SRRM4: variants seen among roughly 807,000 people sequenced by gnomAD.
SRRM4 encodes the protein serine/arginine repetitive matrix protein 4.
A neutral mutation model predicts 68.9 loss-of-function variants in SRRM4; 33 were observed. The observed-to-expected ratio is 0.48, with a 90% CI of 0.36 to 0.64. The LOEUF is 0.64. Among genes scored for constraint, SRRM4 ranks in the 30% least tolerant of loss-of-function variants. The pLI is 0.00. For missense variants in SRRM4, 817 were observed against 827.1 expected (o/e 0.99, Z 0.15); for synonymous variants, 318 against 318.8 (o/e 1.00, Z 0.03).
Position 119,004,257 on chromosome 12 carries a change from C to T in SRRM4, c.131+22244C>T, listed in dbSNP as rs1193919505. Among the ~76,000 whole-genome samples, 53 of 152,000 alleles carry T rather than the reference C, an allele frequency of 3.5e-4. 1 individual carries two copies. Among genetic ancestry groups the T allele is most frequent in the Admixed American group, 3.5e-3 (53 of 15,268 alleles). ...TTCATGGTTTATATATTCCCCAGAT[C>T]CAAGGTTTGTCATCTCCTGATCCCT... On this transcript the variant is annotated intron_variant, in intron 1 of 12. Transcript: ENST00000267260.
chr12:119,130,912 TGTATG>T lies in SRRM4; in HGVS notation c.771+82_771+86del, dbSNP rs1424427456. ...ATGTGGAGGCACAAGTTCAGGGCAG[TGTATG>T]GTACACTTTAATTCAATTTCTGACA... On this transcript the variant is annotated intron_variant, in intron 8 of 12. Transcript: ENST00000267260. The T allele has an allele frequency of 4.2e-6, 6 of 1,423,084 alleles. No homozygotes were observed. In the African/African-American group the frequency reaches 8.6e-5, roughly 20 times the overall value. 88.2% of individuals were successfully genotyped at this position (1,423,084 alleles called of 1,614,324 possible).
chr12:119,010,044 A>G (rs776484388), intron 1 of SRRM4, among the ~76,000 whole-genome samples: 1 of 152,194 alleles, frequency 6.6e-6, no homozygotes, highest in Non-Finnish European at 1.5e-5. Flanking sequence ...GGCACATAGT[A>G]GGCTCTCAGA....
At chr12:119,119,545 G>A (rs1052287461) in intron 4 of SRRM4, among the ~76,000 whole-genome samples, 1 of 151,894 alleles carries the variant, frequency 6.6e-6, no homozygotes, top group African/African-American at 2.4e-5. Context: ...AGAATGAGAA[G>A]AAGCTACATG....
chr12:119,122,292 CAGGAAGGAAGGAAGGA>C (rs56030105), intron 6 of SRRM4, among the ~76,000 whole-genome samples, 172 bp downstream of exon 6: 1,583 of 69,678 alleles, frequency 0.023, 31 homozygotes, highest in South Asian at 0.056. Flanking sequence ...GGCAGGAAGG[CAGGAAGGAAGGAAGGA>C]AGGAAGGAAG....
chr12:119,015,439 C>G (rs1250419159), intron 1 of SRRM4, among the ~76,000 whole-genome samples: 1 of 152,140 alleles, frequency 6.6e-6, no homozygotes, highest in Non-Finnish European at 1.5e-5. Flanking sequence ...CCATATCACT[C>G]CTCTGCTCAA....
intron 2 of SRRM4, among the ~76,000 whole-genome samples, chr12:119,103,668 G>A (rs1482729498): frequency 6.6e-6 from 1 of 152,192 alleles, no homozygotes; most frequent in East Asian, 1.9e-4. Context: ...TAGGCAGAGG[G>A]AGATAAAGAG....
At chr12:119,014,105 T>G (rs528086466) in intron 1 of SRRM4, among the ~76,000 whole-genome samples, 2 of 152,346 alleles carry the variant, frequency 1.3e-5, no homozygotes, top group South Asian at 4.1e-4. Context: ...CTTTCTTTAA[T>G]GAGTGAGGCC....
intron 1 of SRRM4, among the ~76,000 whole-genome samples, chr12:119,053,373 A>T (rs901140372): frequency 6.6e-6 from 1 of 152,230 alleles, no homozygotes; most frequent in East Asian, 1.9e-4. Flanking sequence ...TAGTATAGGA[A>T]ACACATGCAT....
chr12:119,107,197 C>T (rs2136044337), intron 2 of SRRM4, among the ~76,000 whole-genome samples: 1 of 152,266 alleles, frequency 6.6e-6, no homozygotes, highest in Admixed American at 6.5e-5. Flanking sequence ...TGATGTGCTG[C>T]TGGATTTAAA....
chr12:119,091,287 G>A (rs1489933684), intron 1 of SRRM4, among the ~76,000 whole-genome samples: 1 of 152,174 alleles, frequency 6.6e-6, no homozygotes, highest in African/African-American at 2.4e-5. Flanking sequence ...GCAGGAATTG[G>A]GTTTCTGTAG....
chr12:119,104,433 T>C (rs1375120751), intron 2 of SRRM4, among the ~76,000 whole-genome samples: 1 of 146,576 alleles, frequency 6.8e-6, no homozygotes, highest in African/African-American at 2.4e-5. Flanking sequence ...ATAATAATAA[T>C]AACAGTGATA....
intron 1 of SRRM4, among the ~76,000 whole-genome samples, chr12:119,006,425 G>A (rs1243225791): frequency 6.6e-6 from 1 of 152,132 alleles, no homozygotes; most frequent in Non-Finnish European, 1.5e-5. Flanking sequence ...AAACCTTTGA[G>A]GTAGACCAGG....
At chr12:119,141,965 T>A (rs770587745) in intron 8 of SRRM4, among the ~76,000 whole-genome samples, 1 of 152,130 alleles carries the variant, frequency 6.6e-6, no homozygotes, top group Non-Finnish European at 1.5e-5. Flanking sequence ...ACCTGGAGGA[T>A]GAATAAATTT....
chr12:119,106,368 G>A (rs1250528775), intron 2 of SRRM4, among the ~76,000 whole-genome samples: 3 of 151,822 alleles, frequency 2.0e-5, no homozygotes, highest in Non-Finnish European at 2.9e-5. Context: ...AGCTTGATGG[G>A]GATGGCATTG....
At chr12:119,133,866 A>G (rs1954312089) in intron 8 of SRRM4, among the ~76,000 whole-genome samples, 1 of 152,194 alleles carries the variant, frequency 6.6e-6, no homozygotes, top group South Asian at 2.1e-4. Context: ...AAAACAGTTA[A>G]AGGCAATGCA....
chr12:118,996,351 A>T (rs1953349515), intron 1 of SRRM4, among the ~76,000 whole-genome samples: 1 of 152,222 alleles, frequency 6.6e-6, no homozygotes, highest in African/African-American at 2.4e-5. Context: ...GAAACAAAGG[A>T]TCACAACAAA....
In SRRM4 at chr12:119,151,224, A is replaced by C. The variant is rs764791981; in HGVS notation, c.1280+4A>C. ...GATCCACCTCTTCTGAAAAAAGGTG[A>C]GTGTGGTTTTGACCTTTGCTCTGCA... is the stretch of plus-strand genomic sequence containing the variant. On this transcript the variant is annotated splice_donor_region_variant and intron_variant, in intron 10 of 12. Coordinates refer to ENST00000267260, the MANE Select transcript of SRRM4 (RefSeq NM_194286.4). 1.2e-6 allele frequency: 2 copies of C among 1,613,246 alleles called. No homozygotes were observed. The highest frequency in any genetic ancestry group is 3.3e-5 in the Admixed American group (2 of 60,030).
chr12:119,043,808 A>ACACACACACACACACACACACACACAC (rs60118462), intron 1 of SRRM4, among the ~76,000 whole-genome samples: 1 of 150,912 alleles, frequency 6.6e-6, no homozygotes, highest in Non-Finnish European at 1.5e-5. Context: ...ACACACACAC[A>ACACACACACACACACACACACACACAC]AGTCTTGGGC....
chr12:119,078,166 G>A (rs1565903529), intron 1 of SRRM4, among the ~76,000 whole-genome samples: 1 of 152,158 alleles, frequency 6.6e-6, no homozygotes, highest in Non-Finnish European at 1.5e-5. Flanking sequence ...ATGACTTTGG[G>A]AAAACTATAG....
Sources: allele counts gnomAD v4.1 joint callset (sites outside exome capture counted in the v4.1 genomes callset), GRCh38; gene constraint gnomAD v4.1.1; transcripts MANE v1.5; gene names NCBI Gene and HGNC (gene_info 2026-07-23, HGNC 2026-07-21).